CHKA: variants seen among roughly 807,000 people sequenced by gnomAD.
The protein encoded by CHKA is choline kinase alpha, also known as CHETK-alpha.
A neutral mutation model predicts 60.1 loss-of-function variants in CHKA; 34 were observed. The ratio of observed to expected loss-of-function variants is 0.57; its 90% CI spans 0.43 to 0.75. The LOEUF (loss-of-function observed/expected upper bound fraction) is 0.75, where lower values mean the gene tolerates loss of function less well. Ranked by LOEUF, CHKA falls within the 30% of genes least tolerant of loss-of-function variation. The pLI, the probability that CHKA is intolerant of heterozygous loss-of-function variation, is 0.00. For synonymous variants in CHKA, 217 were observed against 223.1 expected (o/e 0.97, Z 0.24); for missense variants, 563 against 561.3 (o/e 1.00, Z -0.03).
At chr11:68,079,291 T>C (rs983501083) in intron 3 of CHKA, among the ~76,000 whole-genome samples, 7 of 151,950 alleles carry the variant, frequency 4.6e-5, no homozygotes, top group Admixed American at 1.3e-4. Flanking sequence ...ATGTTCGCAT[T>C]AGGGAAGCTG....
intron 2 of CHKA, among the ~76,000 whole-genome samples, chr11:68,082,788 T>C (rs1264580295): frequency 1.3e-5 from 2 of 152,238 alleles, no homozygotes; most frequent in Non-Finnish European, 2.9e-5. Context: ...ATATTTAGCA[T>C]ACAGTTAAGT....
chr11:68,068,211 G>T (rs575564281), intron 7 of CHKA, among the ~76,000 whole-genome samples: 1 of 152,084 alleles, frequency 6.6e-6, no homozygotes, highest in Non-Finnish European at 1.5e-5. Flanking sequence ...GCAACACTAC[G>T]CTGTGTGGTG....
chr11:68,117,813 C>T (rs1163676616), intron 1 of CHKA, among the ~76,000 whole-genome samples: 4 of 152,174 alleles, frequency 2.6e-5, no homozygotes, highest in African/African-American at 9.7e-5. Context: ...AGAAGGAACA[C>T]ACAAAATGCA....
Position 68,121,312 on chromosome 11 carries a change from G to GGGCGGCGGCGGC in CHKA, c.-147_-136dup. 1 of 491,980 alleles carries GGGCGGCGGCGGC rather than the reference G, an allele frequency of 2.0e-6. No individual in the cohort carries two copies. Among genetic ancestry groups the GGGCGGCGGCGGC allele is most frequent in the Non-Finnish European group, 2.6e-6 (1 of 381,982 alleles). The allele number at this position is 491,980 out of a possible 1,614,324, so 30.5% of individuals were successfully genotyped here. ...GGGGGCCGCGGCGGTTGGGCGCGCG[G>GGGCGGCGGCGGC]GGCGGCGGCGGCGGCTGCGGCGACT... is the stretch of plus-strand genomic sequence containing the variant. On this transcript the variant is annotated 5_prime_UTR_variant, in exon 1 of 12. Coordinates refer to ENST00000265689, the MANE Select transcript of CHKA (RefSeq NM_001277.3).
rs1442437281 is a variant in CHKA, at chr11:68,121,251, C to G, written c.-74G>C. On this transcript the variant is annotated 5_prime_UTR_variant, in exon 1 of 12. Coordinates refer to ENST00000265689, the MANE Select transcript of CHKA (RefSeq NM_001277.3). ...TAGGCTCAGAGTCCGGCCGGGCGCC[C>G]CCTCGCCGCTCTCTCACTGGCAGGC... The G allele has an allele frequency of 9.4e-7, 1 of 1,060,836 alleles. No individual in the cohort carries two copies. Among genetic ancestry groups the G allele is most frequent in the Non-Finnish European group, 1.1e-6 (1 of 877,378 alleles). 65.7% of individuals were successfully genotyped at this position (1,060,836 alleles called of 1,614,324 possible).
At chr11:68,088,944 C>T (rs573904718) in intron 2 of CHKA, among the ~76,000 whole-genome samples, 1 of 152,226 alleles carries the variant, frequency 6.6e-6, no homozygotes, top group African/African-American at 2.4e-5. Flanking sequence ...ATTTAATAAG[C>T]ACATATGAAT....
At chr11:68,065,558 G>A (rs1420065824) in intron 9 of CHKA, among the ~76,000 whole-genome samples, 2 of 152,002 alleles carry the variant, frequency 1.3e-5, no homozygotes, top group African/African-American at 2.4e-5. Flanking sequence ...ACAATTAGCT[G>A]GGCGTGGTGG....
At chr11:68,101,993 G>A (rs989594645) in intron 1 of CHKA, among the ~76,000 whole-genome samples, 3 of 151,702 alleles carry the variant, frequency 2.0e-5, no homozygotes, top group Non-Finnish European at 2.9e-5. Flanking sequence ...CCAGCTACTC[G>A]GGAGGCTGAG....
chr11:68,113,605 G>T (rs559064699), intron 1 of CHKA, among the ~76,000 whole-genome samples: 1 of 152,040 alleles, frequency 6.6e-6, no homozygotes, highest in Non-Finnish European at 1.5e-5. Flanking sequence ...CTGAGGCAGA[G>T]AACTGCTTGA....
intron 11 of CHKA, among the ~76,000 whole-genome samples, chr11:68,055,420 A>G (rs887569604): frequency 2.6e-5 from 4 of 152,196 alleles, no homozygotes; most frequent in African/African-American, 4.8e-5. Flanking sequence ...TGAAGCTGCT[A>G]TGAGTGTTTG....
In CHKA at chr11:68,074,741, T is replaced by G. The variant is rs760667062; in HGVS notation, c.606A>C (p.Gln202His). 1.2e-6 allele frequency: 2 copies of G among 1,614,252 alleles called. No individual in the cohort carries two copies. Among genetic ancestry groups the G allele is most frequent in the Non-Finnish European group, 1.7e-6 (2 of 1,180,046 alleles). ...LGPKLYGIFP[Q>H]GRLEQFIPSR... is the part of the protein sequence containing the mutation. ...CCGGGATGAACTGCTCCAGTCGGCC[T>G]TGGGGAAAGATGCCATAGAGTTTTG... The change falls in exon 4 of 12, where the codon CAA becomes CAC. Residue 202 changes from glutamine to histidine, a missense_variant. Gln to His is a conservative substitution (Grantham distance 24). Transcript: ENST00000265689.
At chr11:68,079,899 G>A (rs1395525219) in intron 3 of CHKA, among the ~76,000 whole-genome samples, 2 of 151,986 alleles carry the variant, frequency 1.3e-5, no homozygotes, top group African/African-American at 4.8e-5. Flanking sequence ...ATGAGAAGAG[G>A]GCCTATGGTC....
At chr11:68,086,081 G>A (rs544314730) in intron 2 of CHKA, among the ~76,000 whole-genome samples, 36 of 152,010 alleles carry the variant, frequency 2.4e-4, no homozygotes, top group African/African-American at 7.0e-4. Context: ...TTGGGAGGCC[G>A]AGGCAGGCGG....
chr11:68,109,626 A>C (rs1365952337), intron 1 of CHKA, among the ~76,000 whole-genome samples: 2 of 152,118 alleles, frequency 1.3e-5, no homozygotes, highest in African/African-American at 2.4e-5. Flanking sequence ...AAAGACTGAG[A>C]CCTCACCATA....
At chr11:68,070,888 A>G in intron 4 of CHKA, 31 bp from the exon 5 acceptor site, 1 of 1,594,846 alleles carries the variant, frequency 6.3e-7, no homozygotes, top group Non-Finnish European at 8.6e-7. Flanking sequence ...AAAAACTGAC[A>G]TTTACCAAGT....
intron 5 of CHKA, 49 bp from the exon 6 acceptor site, chr11:68,070,342 T>C: frequency 1.5e-6 from 2 of 1,305,890 alleles, no homozygotes. Flanking sequence ...CACCGATCAA[T>C]TCACCAAGGC....
intron 3 of CHKA, among the ~76,000 whole-genome samples, chr11:68,080,883 C>T (rs1856965849): frequency 6.6e-6 from 1 of 152,234 alleles, no homozygotes; most frequent in South Asian, 2.1e-4. Flanking sequence ...AAGCCATCTG[C>T]ACATGTGTGT....
At chr11:68,086,287 C>G (rs1196947615) in intron 2 of CHKA, among the ~76,000 whole-genome samples, 1 of 152,044 alleles carries the variant, frequency 6.6e-6, no homozygotes, top group Admixed American at 6.5e-5. Context: ...GCACCCCAGC[C>G]TGGCGACAGC....
chr11:68,057,240 C>T (rs775712016), intron 11 of CHKA, among the ~76,000 whole-genome samples: 44 of 151,986 alleles, frequency 2.9e-4, no homozygotes, highest in Non-Finnish European at 5.3e-4. Flanking sequence ...TTCCTGCTCA[C>T]AGCAACTTAC....
Sources: gnomAD v4.1 joint callset for allele counts (sites outside exome capture counted in the v4.1 genomes callset) on GRCh38, gnomAD v4.1.1 for gene constraint, MANE v1.5 for transcripts, NCBI Gene and HGNC (gene_info 2026-07-23, HGNC 2026-07-21) for gene names.